The following UFM1 variants were observed in gnomAD, a reference collection of about 807,000 sequenced individuals.
UFM1 encodes the protein ubiquitin-fold modifier 1.
UFM1 carries 9 observed loss-of-function variants against 15.4 expected under a neutral mutation model. That is an observed-to-expected ratio of 0.59 (90% CI 0.35 to 1.02). The LOEUF (loss-of-function observed/expected upper bound fraction) is 1.02, where lower values mean the gene tolerates loss of function less well. UFM1 is among the 50% of genes least tolerant of loss of function. The pLI is 0.02. For missense variants in UFM1, 98 were observed against 104.7 expected, an observed-to-expected ratio of 0.94 and a Z score of 0.28; for synonymous variants, 27 against 36.3, an observed-to-expected ratio of 0.74 and a Z score of 0.92.
In UFM1 at chr13:38,363,591, A is replaced by G. The variant is rs532422878; in HGVS notation, c.*2813A>G. 6.6e-6 allele frequency: 1 copy of G among 152,196 alleles called. No homozygotes were observed. The highest frequency in any genetic ancestry group is 1.9e-4 in the East Asian group (1 of 5,174). 9.4% of individuals were successfully genotyped at this position (152,196 alleles called of 1,614,324 possible). A position where few individuals can be genotyped will look rare whatever the true frequency, so the allele number is the denominator to read the frequency against. Reference sequence around the variant, plus strand: ...CTGGGTGATAACAGAGTCGCCTAGGAAATTAAAAATACAGATTTTTGGAAA... The same window carrying G: ...CTGGGTGATAACAGAGTCGCCTAGGGAATTAAAAATACAGATTTTTGGAAA... On this transcript the variant is annotated 3_prime_UTR_variant, in exon 6 of 6. Transcript: ENST00000239878.
rs1879475776 is a variant in UFM1 at position 38,362,731 on chromosome 13, C to T, written c.*1953C>T. ...TGCTTTAATTTAGATTTTTCTCCATCCTGTTTCTAGCACAAAAATTTGCCT... is the reference window on the plus strand; with the variant it reads ...TGCTTTAATTTAGATTTTTCTCCATTCTGTTTCTAGCACAAAAATTTGCCT... On this transcript the variant is annotated 3_prime_UTR_variant, in exon 6 of 6. Transcript: ENST00000239878. The T allele has an allele frequency of 6.6e-6, 1 of 152,036 alleles. No individual in the cohort carries two copies. The highest frequency in any genetic ancestry group is 1.5e-5 in the Non-Finnish European group (1 of 68,008). 9.4% of individuals were successfully genotyped at this position (152,036 alleles called of 1,614,324 possible).
intron 5 of UFM1, chr13:38,360,038 C>T (rs1879298598): frequency 2.5e-6 from 1 of 394,952 alleles, no homozygotes; most frequent in Non-Finnish European, 5.1e-6. Context: ...GTTGTTTTCA[C>T]AGGCCTTGCA....
intron 3 of UFM1, among the ~76,000 whole-genome samples, chr13:38,356,012 G>T (rs973871742): frequency 6.6e-6 from 1 of 151,838 alleles, no homozygotes; most frequent in African/African-American, 2.4e-5. Flanking sequence ...GGGATCGGAG[G>T]AGGAAAATAA....
At chr13:38,359,443 T>A (rs932640450) in intron 5 of UFM1, 110 bp downstream of exon 5, 2 of 1,229,896 alleles carry the variant, frequency 1.6e-6, no homozygotes, top group Admixed American at 1.8e-5. Context: ...ATAATGGAGC[T>A]GTTTTTTAGG....
rs1879515236 is a variant in UFM1 at position 38,363,494 on chromosome 13, C to CG, written c.*2718dup. The CG allele has an allele frequency of 3.1e-5, 1 of 31,912 alleles. No homozygotes were observed. The highest frequency in any genetic ancestry group is 2.2e-3 in the East Asian group (1 of 448). The allele number at this position is 31,912 out of a possible 1,614,324, so 2.0% of individuals were successfully genotyped here. A position where few individuals can be genotyped will look rare whatever the true frequency, so the allele number is the denominator to read the frequency against. On this transcript the variant is annotated 3_prime_UTR_variant, in exon 6 of 6. Coordinates refer to ENST00000239878, the MANE Select transcript of UFM1 (RefSeq NM_016617.4). ...TGCAAATGCCTGTCCATTTTACAGA[C>CG]GGAAAAAAAAAAAAAAAAAGTTGAG...
intron 2 of UFM1, among the ~76,000 whole-genome samples, chr13:38,352,444 T>G (rs1313326046): frequency 3.3e-5 from 5 of 152,168 alleles, no homozygotes; most frequent in Non-Finnish European, 7.4e-5. Context: ...CTTCTTGAGT[T>G]ACCTGTGGAC....
At position 38,355,885 on chromosome 13, in the gene UFM1, A is replaced by T. The variant is rs188902490; in HGVS notation, c.117+1589A>T. 7.1e-3 allele frequency among the ~76,000 whole-genome samples: 1,085 copies of T among 151,908 alleles called. 11 individuals are homozygous for T. The highest frequency in any genetic ancestry group is 0.012 in the Non-Finnish European group (815 of 67,752). ...TTGACTCAAGAAAGCAAGAGTCTGGATTTAAATCCCTCGTAAAATTGCCTT... is the reference window on the plus strand; with the variant it reads ...TTGACTCAAGAAAGCAAGAGTCTGGTTTTAAATCCCTCGTAAAATTGCCTT... On this transcript the variant is annotated intron_variant, in intron 3 of 5. Transcript: ENST00000239878.
At chr13:38,351,687 G>A (rs1326699081) in intron 2 of UFM1, among the ~76,000 whole-genome samples, 1 of 152,172 alleles carries the variant, frequency 6.6e-6, no homozygotes, top group Admixed American at 6.5e-5. Flanking sequence ...ATATGCAAAT[G>A]TACTCGAAAG....
Position 38,350,051 on chromosome 13 carries a change from A to G in UFM1, c.55A>G (p.Lys19Glu), listed in dbSNP as rs371109857. 2 of 1,614,228 alleles carry G rather than the reference A, an allele frequency of 1.2e-6. No individual in the cohort carries two copies. The highest frequency in any genetic ancestry group is 2.2e-5 in the East Asian group (1 of 44,876). The change falls in exon 2 of 6, where the codon AAA (lysine) becomes GAA (glutamate). Residue 19 changes from lysine to glutamate, a missense_variant. Lys to Glu is a moderately conservative substitution (Grantham distance 56). Coordinates refer to ENST00000239878, the MANE Select transcript of UFM1 (RefSeq NM_016617.4). ...GACGTCGGACCCACGGCTGCCGTAC[A>G]AAGTGTGAGTAGCTCGGCCGAGATG... ...TLTSDPRLPY[K>E]VLSVPESTPF...
intron 4 of UFM1, 56 bp from the exon 5 acceptor site, chr13:38,359,245 A>G (rs919381335): frequency 3.1e-5 from 48 of 1,568,576 alleles, no homozygotes; most frequent in African/African-American, 6.8e-5. Flanking sequence ...CCTTGCTACT[A>G]TTTAACCATT....
At chr13:38,351,459 T>A (rs952712603) in intron 2 of UFM1, among the ~76,000 whole-genome samples, 10 of 152,224 alleles carry the variant, frequency 6.6e-5, no homozygotes, top group African/African-American at 1.7e-4. Context: ...AGAGGGAAAT[T>A]CTATCATCTT....
rs1458263994 is a variant in UFM1, at chr13:38,363,386, C to CTGA, written c.*2611_*2613dup. Reference sequence around the variant, plus strand: ...TCAACTAGGTTTGTACAAGTACATTCTGATGTTCACATAGTGACAAAATTG... The same window carrying CTGA: ...TCAACTAGGTTTGTACAAGTACATTCTGATGATGTTCACATAGTGACAAAATTG... On this transcript the variant is annotated 3_prime_UTR_variant, in exon 6 of 6. Coordinates refer to ENST00000239878, the MANE Select transcript of UFM1 (RefSeq NM_016617.4). 1.3e-5 allele frequency: 2 copies of CTGA among 151,702 alleles called. No individual in the cohort carries two copies. Among genetic ancestry groups the CTGA allele is most frequent in the African/African-American group, 4.9e-5 (2 of 41,232 alleles). The allele number at this position is 151,702 out of a possible 1,614,324, so 9.4% of individuals were successfully genotyped here. A position where few individuals can be genotyped will look rare whatever the true frequency, so the allele number is the denominator to read the frequency against.
chr13:38,356,674 C>A lies in UFM1; in HGVS notation c.118-1419C>A, dbSNP rs1054963245. Among the ~76,000 whole-genome samples the A allele has an allele frequency of 2.4e-5, 3 of 124,906 alleles. No individual in the cohort carries two copies. In the Admixed American group the frequency reaches 2.8e-4, roughly 12 times the overall value. 81.9% of individuals were successfully genotyped at this position (124,906 alleles called of 152,430 possible). A position where few individuals can be genotyped will look rare whatever the true frequency, so the allele number is the denominator to read the frequency against. On this transcript the variant is annotated intron_variant, in intron 3 of 5. Transcript: ENST00000239878. ...GCCTAGAGTAGTGTTTCCCAGACAA[C>A]TAGAACCACACACAAATTAGTACCA...
Position 38,363,550 on chromosome 13 carries a change from T to C in UFM1, c.*2772T>C, listed in dbSNP as rs1428185045. The C allele has an allele frequency of 6.6e-6, 1 of 150,964 alleles. No individual in the cohort carries two copies. The highest frequency in any genetic ancestry group is 2.4e-5 in the African/African-American group (1 of 41,092). 9.4% of individuals were successfully genotyped at this position (150,964 alleles called of 1,614,324 possible). A position where few individuals can be genotyped will look rare whatever the true frequency, so the allele number is the denominator to read the frequency against. On this transcript the variant is annotated 3_prime_UTR_variant, in exon 6 of 6. Coordinates refer to ENST00000239878, the MANE Select transcript of UFM1 (RefSeq NM_016617.4). ...AATGGGGTTATTGTAACTGGCTAGG[T>C]TGGTAGGTTCCAAACCTGGGTGATA... is the stretch of plus-strand genomic sequence containing the variant.
chr13:38,360,913 G>A lies in UFM1; in HGVS notation c.*135G>A, dbSNP rs1879346728. ...ATGATTAATGAAAGGTGACTCATCT[G>A]TCCCTTTTTGTTGTCCATACTCTTC... On this transcript the variant is annotated 3_prime_UTR_variant, in exon 6 of 6. Coordinates refer to ENST00000239878, the MANE Select transcript of UFM1 (RefSeq NM_016617.4). 1.3e-5 allele frequency: 9 copies of A among 670,874 alleles called. 1 individual carries two copies. The highest frequency in any genetic ancestry group is 4.2e-4 in the Middle Eastern group (1 of 2,382). 41.6% of individuals were successfully genotyped at this position (670,874 alleles called of 1,614,324 possible). A position where few individuals can be genotyped will look rare whatever the true frequency, so the allele number is the denominator to read the frequency against.
chr13:38,351,342 C>T (rs1878840530), intron 2 of UFM1, among the ~76,000 whole-genome samples: 1 of 152,176 alleles, frequency 6.6e-6, no homozygotes, highest in South Asian at 2.1e-4. Flanking sequence ...GTACCTAGTA[C>T]TTAATACATT....
intron 5 of UFM1, 118 bp from the exon 6 acceptor site, chr13:38,360,593 T>G: frequency 1.4e-5 from 10 of 709,716 alleles, no homozygotes; most frequent in Non-Finnish European, 2.2e-5. Context: ...TCATGATGCT[T>G]GAGCTTTTGT....
At chr13:38,350,934 C>T (rs1878819984) in intron 2 of UFM1, among the ~76,000 whole-genome samples, 2 of 152,158 alleles carry the variant, frequency 1.3e-5, no homozygotes, top group Admixed American at 6.5e-5. Flanking sequence ...ATGGTTGCAG[C>T]CTAGAACCTT....
At chr13:38,358,194 C>A in intron 4 of UFM1, 62 bp downstream of exon 4, 6 of 1,067,962 alleles carry the variant, frequency 5.6e-6, no homozygotes, top group South Asian at 4.0e-5. Context: ...TAAAAGGAAC[C>A]AAATTAATTA....
Sources: allele counts gnomAD v4.1 joint callset (sites outside exome capture counted in the v4.1 genomes callset), GRCh38; gene constraint gnomAD v4.1.1; transcripts MANE v1.5; gene names NCBI Gene and HGNC (gene_info 2026-07-23, HGNC 2026-07-21).